The following MALSU1 variants were observed in gnomAD, a reference collection of about 807,000 sequenced individuals.
The protein encoded by MALSU1 is mitochondrial assembly of ribosomal large subunit 1.
A neutral mutation model predicts 22.1 loss-of-function variants in MALSU1; 22 were observed. The ratio of observed to expected loss-of-function variants is 1.00; its 90% confidence interval spans 0.71 to 1.42. MALSU1 has a LOEUF of 1.42. MALSU1 is among the 40% of genes most tolerant of loss of function. The pLI, the probability that MALSU1 is intolerant of heterozygous loss-of-function variation, is 0.00. For synonymous variants in MALSU1, 153 were observed against 118.5 expected (o/e 1.29, Z -1.89); for missense variants, 379 against 308.3 (o/e 1.23, Z -1.72).
rs368877261 is a variant in MALSU1, at chr7:23,299,352, T to C, written c.-1T>C. 9 of 1,568,646 alleles carry C rather than the reference T, an allele frequency of 5.7e-6. No individual in the cohort carries two copies. The highest frequency in any genetic ancestry group is 4.5e-5 in the East Asian group (2 of 44,262). ...CGCGACGCCGACGCAAGGCTGCTGC[T>C]ATGGGGCCGGGCGGCCGTGTGGCGC... On this transcript the variant is annotated 5_prime_UTR_variant, in exon 1 of 4. Coordinates refer to ENST00000466681, the MANE Select transcript of MALSU1 (RefSeq NM_138446.2).
intron 2 of MALSU1, among the ~76,000 whole-genome samples, chr7:23,304,969 T>C (rs1783705675): frequency 6.6e-6 from 1 of 152,254 alleles, no homozygotes; most frequent in South Asian, 2.1e-4. Context: ...CTGTTGCCTG[T>C]GTCTTTGGTA....
chr7:23,303,250 T>A (rs1783671891), intron 2 of MALSU1, among the ~76,000 whole-genome samples: 5 of 152,350 alleles, frequency 3.3e-5, no homozygotes, highest in Admixed American at 3.3e-4. Flanking sequence ...CTCTATGAAT[T>A]TGACTACTTT....
At chr7:23,307,197 T>A (rs1358048139) in intron 2 of MALSU1, among the ~76,000 whole-genome samples, 1 of 152,206 alleles carries the variant, frequency 6.6e-6, no homozygotes, top group East Asian at 1.9e-4. Context: ...ATCAGTAGTG[T>A]CACTTCTTTC....
chr7:23,308,080 G>C, intron 3 of MALSU1, 131 bp downstream of exon 3: 1 of 766,586 alleles, frequency 1.3e-6, no homozygotes. Flanking sequence ...GTGTGTTTAA[G>C]GTAACAAAAG....
At chr7:23,304,816 A>C (rs1204640861) in intron 2 of MALSU1, among the ~76,000 whole-genome samples, 2 of 152,196 alleles carry the variant, frequency 1.3e-5, no homozygotes, top group African/African-American at 4.8e-5. Flanking sequence ...GGAGCTCTCT[A>C]TATATTCTGG....
chr7:23,304,202 A>AT (rs1783694591), intron 2 of MALSU1, among the ~76,000 whole-genome samples: 1 of 151,854 alleles, frequency 6.6e-6, no homozygotes, highest in Non-Finnish European at 1.5e-5. Context: ...TCTGTTTTTA[A>AT]TTTTTTTTCT....
chr7:23,299,852 T>G (rs1292857343), intron 1 of MALSU1, among the ~76,000 whole-genome samples: 1 of 152,118 alleles, frequency 6.6e-6, no homozygotes, highest in Non-Finnish European at 1.5e-5. Context: ...CTCCCACCCT[T>G]GGCATCACAG....
chr7:23,301,214 G>A (rs562722172), intron 2 of MALSU1, 197 bp downstream of exon 2: 17 of 464,624 alleles, frequency 3.7e-5, no homozygotes, highest in Non-Finnish European at 6.5e-5. Context: ...GCCCTATTGA[G>A]TTAGGATATA....
At position 23,311,008 on chromosome 7, in the gene MALSU1, C is replaced by T. The variant is rs1783812433; in HGVS notation, c.*1465C>T. 6.6e-6 allele frequency: 1 copy of T among 152,082 alleles called. No individual in the cohort carries two copies. Among genetic ancestry groups the T allele is most frequent in the African/African-American group, 2.4e-5 (1 of 41,404 alleles). The allele number at this position is 152,082 out of a possible 1,614,324, so 9.4% of individuals were successfully genotyped here. On this transcript the variant is annotated 3_prime_UTR_variant, in exon 4 of 4. Coordinates refer to ENST00000466681, the MANE Select transcript of MALSU1 (RefSeq NM_138446.2). ...GTTTTCACAGTCATTCAAATTATAT[C>T]CCAAAAACTTTTCTTGTATTCTCTA...
chr7:23,301,612 G>A (rs867010106), intron 2 of MALSU1, among the ~76,000 whole-genome samples: 86 of 152,264 alleles, frequency 5.6e-4, no homozygotes, highest in African/African-American at 2.0e-3. Flanking sequence ...TAACCAGAGG[G>A]ATTTCTAGAG....
chr7:23,306,220 A>T (rs1182290565), intron 2 of MALSU1, among the ~76,000 whole-genome samples: 4 of 151,976 alleles, frequency 2.6e-5, no homozygotes, highest in Non-Finnish European at 5.9e-5. Flanking sequence ...AAAAAAAAAA[A>T]GTATTATTCT....
At position 23,307,780 on chromosome 7, in the gene MALSU1, A is replaced by T. The variant is rs187513173; in HGVS notation, c.436-88A>T. On this transcript the variant is annotated intron_variant, in intron 2 of 3. Transcript: ENST00000466681. The stretch of plus-strand genomic sequence containing the variant: ...ATGAGTAAGAAAGATTAAAAAAAAC[A>T]AACAAACAAACAAAAAAAAAAGACC... The T allele has an allele frequency of 2.2e-4, 178 of 806,594 alleles. 1 individual carries two copies. The African/African-American group carries it at 3.5e-3, about 16-fold the overall frequency. The allele number at this position is 806,594 out of a possible 1,614,324, so 50.0% of individuals were successfully genotyped here.
At chr7:23,308,831 G>T (rs981700442) in intron 3 of MALSU1, among the ~76,000 whole-genome samples, 12 of 152,162 alleles carry the variant, frequency 7.9e-5, no homozygotes, top group African/African-American at 2.9e-4. Context: ...GGTGTCTCTT[G>T]TGCACGGTAC....
At chr7:23,308,681 A>G (rs1421772686) in intron 3 of MALSU1, among the ~76,000 whole-genome samples, 2 of 152,152 alleles carry the variant, frequency 1.3e-5, no homozygotes, top group African/African-American at 2.4e-5. Context: ...ACCAGCACAC[A>G]CAGTTGTAAA....
chr7:23,306,346 T>G (rs1562657524), intron 2 of MALSU1, among the ~76,000 whole-genome samples: 1 of 152,242 alleles, frequency 6.6e-6, no homozygotes, highest in Non-Finnish European at 1.5e-5. Context: ...TGGGTTTTTT[T>G]TGTGGAATCT....
rs1260443026 is a variant in MALSU1 at position 23,309,399 on chromosome 7, C to T, written c.561C>T (p.Ile187=). ...IHLMLPETRE[I]YELEKLWTLR... ...TGATGCTTCCAGAAACCAGAGAAAT[C>T]TATGAATTAGAGAAATTATGGACCC... Residue 187 remains isoleucine, a synonymous_variant, in exon 4 of 4, where the codon ATC becomes ATT. Coordinates refer to ENST00000466681, the MANE Select transcript of MALSU1 (RefSeq NM_138446.2). 6 of 1,613,140 alleles carry T rather than the reference C, an allele frequency of 3.7e-6. No homozygotes were observed. In the Admixed American group the frequency reaches 6.7e-5, roughly 18 times the overall value.
chr7:23,304,946 TTTA>T (rs1464527337), intron 2 of MALSU1, among the ~76,000 whole-genome samples: 19 of 152,322 alleles, frequency 1.2e-4, no homozygotes, highest in African/African-American at 4.1e-4. Flanking sequence ...TGAAGTTCAG[TTTA>T]TTTTTTCTTC....
In MALSU1 at chr7:23,311,171, C is replaced by T. The variant is rs1402163466; in HGVS notation, c.*1628C>T. On this transcript the variant is annotated 3_prime_UTR_variant, in exon 4 of 4. Coordinates refer to ENST00000466681, the MANE Select transcript of MALSU1 (RefSeq NM_138446.2). ...ATCTTCAAAATAGCTTAGTGAGGCT[C>T]ATGACAGTGCTGGCCCCATGGAAAT... 3 of 151,880 alleles carry T rather than the reference C, an allele frequency of 2.0e-5. No homozygotes were observed. The highest frequency in any genetic ancestry group is 4.4e-5 in the Non-Finnish European group (3 of 67,992). The allele number at this position is 151,880 out of a possible 1,614,324, so 9.4% of individuals were successfully genotyped here.
chr7:23,306,870 A>G (rs986939439), intron 2 of MALSU1, among the ~76,000 whole-genome samples: 3 of 152,152 alleles, frequency 2.0e-5, no homozygotes, highest in Non-Finnish European at 4.4e-5. Flanking sequence ...TCAAATGTTC[A>G]TCAGGGTTAT....
Sources: allele counts gnomAD v4.1 joint callset (sites outside exome capture counted in the v4.1 genomes callset), GRCh38; gene constraint gnomAD v4.1.1; transcripts MANE v1.5; gene names NCBI Gene and HGNC (gene_info 2026-07-23, HGNC 2026-07-21).